CRYZL1: variants seen among roughly 807,000 people sequenced by gnomAD.
The protein encoded by CRYZL1 is ferry endosomal RAB5 effector complex subunit 4.
Under a neutral mutation model 50.6 loss-of-function variants are expected in CRYZL1, and 34 were observed. The ratio of observed to expected loss-of-function variants is 0.67; its 90% confidence interval spans 0.51 to 0.89. The LOEUF (loss-of-function observed/expected upper bound fraction) is 0.89. Among genes scored for constraint, CRYZL1 ranks in the 40% least tolerant of loss-of-function variants. The pLI is 0.00. For synonymous variants in CRYZL1, 125 were observed against 134.3 expected (o/e 0.93, Z 0.48); for missense variants, 354 against 402.3 (o/e 0.88, Z 1.03).
chr21:33,609,863 C>T (rs979872743), intron 6 of CRYZL1, among the ~76,000 whole-genome samples: 3 of 151,550 alleles, frequency 2.0e-5, no homozygotes, highest in South Asian at 2.1e-4. Flanking sequence ...CCACCACGCC[C>T]GGCTAATTTT....
intron 5 of CRYZL1, 60 bp downstream of exon 5, chr21:33,616,646 A>G (rs774918213): frequency 1.2e-6 from 2 of 1,602,906 alleles, no homozygotes; most frequent in Middle Eastern, 1.7e-4. Context: ...AGTTATATAG[A>G]AAAAACAGAG....
At chr21:33,594,989 AATG>A (rs1334793605) in intron 11 of CRYZL1, 19 of 183,170 alleles carry the variant, frequency 1.0e-4, no homozygotes, top group Non-Finnish European at 6.7e-5. Context: ...TCTATCAAGT[AATG>A]ATAACTTTTT....
chr21:33,631,129 G>C (rs1056032267), intron 2 of CRYZL1, among the ~76,000 whole-genome samples: 2 of 152,176 alleles, frequency 1.3e-5, no homozygotes, highest in African/African-American at 4.8e-5. Context: ...TTTCAAAATA[G>C]CTAGAAGAGA....
At chr21:33,613,509 G>A (rs779216977) in intron 6 of CRYZL1, 29 bp downstream of exon 6, 2 of 1,454,158 alleles carry the variant, frequency 1.4e-6, no homozygotes, top group Admixed American at 1.7e-5. Flanking sequence ...AGACTTATGT[G>A]AGCTCCAAAG....
At chr21:33,616,843 TAA>T in intron 4 of CRYZL1, 93 bp from the exon 5 acceptor site, 4 of 1,157,546 alleles carry the variant, frequency 3.5e-6, no homozygotes, top group Non-Finnish European at 4.7e-6. Context: ...TGTGGATTTG[TAA>T]AAAGACTGAT....
At chr21:33,595,109 CCTTT>C in intron 11 of CRYZL1, 1 of 986,730 alleles carries the variant, frequency 1.0e-6, no homozygotes, top group Non-Finnish European at 1.2e-6. Context: ...GAGGTTTGCA[CCTTT>C]CTTTTTGAAA....
intron 1 of CRYZL1, among the ~76,000 whole-genome samples, chr21:33,639,531 G>A (rs1470224608): frequency 1.3e-5 from 2 of 151,956 alleles, no homozygotes; most frequent in Non-Finnish European, 2.9e-5. Flanking sequence ...ACTAATTGAG[G>A]GATCCTCCCG....
chr21:33,607,992 C>T (rs982759854), intron 6 of CRYZL1, among the ~76,000 whole-genome samples: 3 of 151,874 alleles, frequency 2.0e-5, no homozygotes, highest in African/African-American at 7.3e-5. Context: ...CTATGATTTA[C>T]GAATACAATG....
chr21:33,640,884 G>A (rs995141451), intron 1 of CRYZL1, among the ~76,000 whole-genome samples: 2 of 152,144 alleles, frequency 1.3e-5, no homozygotes, highest in Non-Finnish European at 2.9e-5. Flanking sequence ...TTAATACGAA[G>A]AAAAGAACGT....
intron 9 of CRYZL1, among the ~76,000 whole-genome samples, chr21:33,597,852 G>T (rs1021041645): frequency 6.6e-6 from 1 of 152,062 alleles, no homozygotes; most frequent in Non-Finnish European, 1.5e-5. Flanking sequence ...CTGACCTCGT[G>T]ATCCGCCCGC....
intron 12 of CRYZL1, among the ~76,000 whole-genome samples, chr21:33,590,315 C>T (rs1168380708): frequency 6.6e-6 from 1 of 152,064 alleles, no homozygotes; most frequent in Non-Finnish European, 1.5e-5. Context: ...CTGCACCCGG[C>T]CTCAAATCTA....
At chr21:33,640,173 A>G (rs2087261918) in intron 1 of CRYZL1, 6 of 1,548,552 alleles carry the variant, frequency 3.9e-6, no homozygotes, top group Middle Eastern at 1.7e-4. Flanking sequence ...CCTGAGCTCA[A>G]TGTAGTTCAT....
intron 1 of CRYZL1, among the ~76,000 whole-genome samples, chr21:33,634,615 A>C (rs78330382): frequency 3.3e-5 from 5 of 151,272 alleles, no homozygotes; most frequent in African/African-American, 9.7e-5. Flanking sequence ...AAAAAAAAAA[A>C]CAACTCTGTT....
At chr21:33,603,574 A>G (rs761343486) in intron 6 of CRYZL1, 37 bp from the exon 7 acceptor site, 1 of 1,610,576 alleles carries the variant, frequency 6.2e-7, no homozygotes, top group South Asian at 1.1e-5. Flanking sequence ...TCTGTTAGCA[A>G]GTCCCACAAG....
At chr21:33,595,694 T>C in intron 11 of CRYZL1, 37 bp downstream of exon 11, 1 of 1,611,610 alleles carries the variant, frequency 6.2e-7, no homozygotes. Flanking sequence ...AGTACAAAGT[T>C]CAAGCCAGAA....
chr21:33,636,561 C>T (rs558076238), intron 1 of CRYZL1, among the ~76,000 whole-genome samples: 1 of 152,142 alleles, frequency 6.6e-6, no homozygotes, highest in Non-Finnish European at 1.5e-5. Context: ...ACTAAAAAAT[C>T]TGGAGAAACA....
intron 6 of CRYZL1, among the ~76,000 whole-genome samples, chr21:33,613,300 G>A (rs948012890): frequency 6.6e-6 from 1 of 152,172 alleles, no homozygotes; most frequent in Non-Finnish European, 1.5e-5. Context: ...ACCATGAGCA[G>A]TGTTAGTAAA....
intron 4 of CRYZL1, 115 bp from the exon 5 acceptor site, chr21:33,616,865 T>C (rs1034247944): frequency 3.8e-5 from 38 of 1,013,068 alleles, no homozygotes; most frequent in African/African-American, 4.9e-5. Flanking sequence ...TTTTGTTTAA[T>C]GTGGAAAAAA....
chr21:33,611,454 T>A (rs1361261768), intron 6 of CRYZL1, among the ~76,000 whole-genome samples: 1 of 152,140 alleles, frequency 6.6e-6, no homozygotes, highest in Non-Finnish European at 1.5e-5. Flanking sequence ...AAATAAAAAT[T>A]ACTTTAAATT....
Sources: allele counts gnomAD v4.1 joint callset (sites outside exome capture counted in the v4.1 genomes callset), GRCh38; gene constraint gnomAD v4.1.1; transcripts MANE v1.5; gene names NCBI Gene and HGNC (gene_info 2026-07-23, HGNC 2026-07-21).